The following ANO4 variants were observed in gnomAD, a reference collection of about 807,000 sequenced individuals.
ANO4 encodes anoctamin-4.
Under a neutral mutation model 141.9 loss-of-function variants are expected in ANO4, and 69 were observed. The ratio of observed to expected loss-of-function variants is 0.49; its 90% confidence interval spans 0.40 to 0.59. The LOEUF (loss-of-function observed/expected upper bound fraction) is 0.59. Among genes scored for constraint, ANO4 ranks in the 20% least tolerant of loss-of-function variants. ANO4 has a pLI of 0.00. For synonymous variants in ANO4, 350 were observed against 394.3 expected (o/e 0.89, Z 1.33); for missense variants, 894 against 1,162.2 (o/e 0.77, Z 3.36).
At chr12:101,035,252 T>A (rs905702271) in intron 9 of ANO4, among the ~76,000 whole-genome samples, 6 of 152,168 alleles carry the variant, frequency 3.9e-5, no homozygotes, top group Non-Finnish European at 7.3e-5. Flanking sequence ...CATGAATGAA[T>A]CTCAAATTAT....
chr12:100,960,909 A>G (rs1313902175), intron 5 of ANO4, among the ~76,000 whole-genome samples: 1 of 152,220 alleles, frequency 6.6e-6, no homozygotes, highest in Non-Finnish European at 1.5e-5. Context: ...GATGGTCTGT[A>G]AGAAGTGAAG....
intron 2 of ANO4, among the ~76,000 whole-genome samples, chr12:100,904,292 TAATA>T (rs939291067): frequency 1.1e-4 from 16 of 152,284 alleles, no homozygotes; most frequent in African/African-American, 3.1e-4. Flanking sequence ...CTGCAAGAGA[TAATA>T]AATAAATATA....
In ANO4 at chr12:100,757,074, C is replaced by T. The variant is rs555658245; in HGVS notation, c.358+16969C>T. ...GGAAAATGTGGAACTGTTAGTCTGA[C>T]GGTTTTTAAAATCTGTCCCTTCTGC... On this transcript the variant is annotated intron_variant, in intron 3 of 29. Coordinates refer to the ANO4 transcript ENST00000644049. Among the ~76,000 whole-genome samples the T allele has an allele frequency of 9.9e-5, 15 of 152,152 alleles. 1 individual carries two copies. The highest frequency in any genetic ancestry group is 3.4e-3 in the Middle Eastern group (1 of 294).
At chr12:101,102,388 G>A (rs374558514) in intron 22 of ANO4, among the ~76,000 whole-genome samples, 17 of 152,228 alleles carry the variant, frequency 1.1e-4, no homozygotes, top group African/African-American at 2.4e-4. Context: ...TAAAACTTGC[G>A]TTCGTATTTT....
intron 1 of ANO4, among the ~76,000 whole-genome samples, chr12:100,896,063 A>G (rs1160460807): frequency 6.6e-6 from 1 of 152,112 alleles, no homozygotes; most frequent in African/African-American, 2.4e-5. Context: ...CCAAGGATGG[A>G]CAGGATGGAG....
At chr12:100,906,151 C>T (rs888298910) in intron 2 of ANO4, among the ~76,000 whole-genome samples, 2 of 152,034 alleles carry the variant, frequency 1.3e-5, no homozygotes, top group Non-Finnish European at 2.9e-5. Context: ...TAAAGACATA[C>T]AGTTGGTGGT....
chr12:100,784,643 C>G (rs1307559821), intron 3 of ANO4, among the ~76,000 whole-genome samples: 1 of 152,104 alleles, frequency 6.6e-6, no homozygotes, highest in Non-Finnish European at 1.5e-5. Context: ...GACAGAAATA[C>G]AAAATAAATC....
chr12:101,104,130 T>A (rs2050316271), intron 22 of ANO4, among the ~76,000 whole-genome samples: 1 of 151,982 alleles, frequency 6.6e-6, no homozygotes, highest in Non-Finnish European at 1.5e-5. Flanking sequence ...CTCCCTTTTT[T>A]AAAACAGTAC....
intron 1 of ANO4, among the ~76,000 whole-genome samples, chr12:100,798,132 T>TA (rs1209899425): frequency 2.6e-5 from 4 of 152,246 alleles, no homozygotes; most frequent in Admixed American, 2.0e-4. Context: ...GTTTACTGTC[T>TA]AAAAGGTCTT....
At chr12:100,851,089 T>C (rs1057064031) in intron 1 of ANO4, among the ~76,000 whole-genome samples, 1 of 152,262 alleles carries the variant, frequency 6.6e-6, no homozygotes, top group Non-Finnish European at 1.5e-5. Context: ...CAAGTGGAAA[T>C]ACCAGATCAA....
chr12:100,775,180 G>C (rs1442509316), intron 3 of ANO4, among the ~76,000 whole-genome samples: 1 of 152,166 alleles, frequency 6.6e-6, no homozygotes, highest in Admixed American at 6.5e-5. Context: ...GGGGCTGTCC[G>C]AGTGAAAAAC....
intron 7 of ANO4, among the ~76,000 whole-genome samples, chr12:100,975,951 A>C (rs1420502209): frequency 1.4e-5 from 2 of 146,272 alleles, no homozygotes; most frequent in Admixed American, 6.8e-5. Context: ...AAAAGAAAAA[A>C]AAAACCCACC....
At chr12:100,782,252 T>A (rs894160611) in intron 3 of ANO4, among the ~76,000 whole-genome samples, 1 of 152,186 alleles carries the variant, frequency 6.6e-6, no homozygotes, top group African/African-American at 2.4e-5. Flanking sequence ...TTCTCCCTCT[T>A]ACAATCATCT....
intron 10 of ANO4, 101 bp downstream of exon 10, chr12:101,037,251 A>G (rs2047236486): frequency 7.8e-7 from 1 of 1,275,820 alleles, no homozygotes; most frequent in Non-Finnish European, 1.1e-6. Flanking sequence ...ATTTGCTCAG[A>G]ATGAATTTAA....
chr12:100,783,370 A>G lies in ANO4; in HGVS notation c.358+43265A>G, dbSNP rs192147208. ...GTTTCCATCCTTCTTTTTCATTCCT[A>G]CCATAACTATTTCATTCAATCCAAG... is the stretch of plus-strand genomic sequence containing the variant. On this transcript the variant is annotated intron_variant, in intron 3 of 29. Transcript: ENST00000644049. 4.0e-3 allele frequency among the ~76,000 whole-genome samples: 602 copies of G among 152,126 alleles called. 3 individuals are homozygous for G. Among genetic ancestry groups the G allele is most frequent in the African/African-American group, 0.014 (578 of 41,478 alleles).
At chr12:100,791,490 C>T (rs1296691506), upstream of ANO4, among the ~76,000 whole-genome samples, 1 of 152,194 alleles carries the variant, frequency 6.6e-6, no homozygotes. Context: ...AAATCATTTT[C>T]TCTTTAATTT....
intron 1 of ANO4, among the ~76,000 whole-genome samples, chr12:100,810,054 G>A (rs57692551): frequency 0.084 from 12,753 of 152,148 alleles, 690 homozygotes; most frequent in South Asian, 0.2. Flanking sequence ...ATTCAAATGG[G>A]AAGAGCCTGA....
intron 8 of ANO4, among the ~76,000 whole-genome samples, chr12:101,003,219 C>T (rs1442015352): frequency 6.6e-6 from 1 of 152,248 alleles, no homozygotes; most frequent in Non-Finnish European, 1.5e-5. Flanking sequence ...TTATAGCTCA[C>T]ATAACATGTT....
rs2042377041 is a variant in ANO4 at position 100,938,460 on chromosome 12, G to C, written c.161-855G>C. Among the ~76,000 whole-genome samples, 4 of 152,232 alleles carry C rather than the reference G, an allele frequency of 2.6e-5. No homozygotes were observed. The South Asian group carries it at 6.2e-4, about 24-fold the overall frequency. On this transcript the variant is annotated intron_variant, in intron 3 of 27. Transcript: ENST00000392977. Reference sequence around the variant, plus strand: ...AATCCCTCATGAATTATTTTGTGCAGTGGCTTCTGACAGGTTATAAACCCT... The same window carrying C: ...AATCCCTCATGAATTATTTTGTGCACTGGCTTCTGACAGGTTATAAACCCT...
Sources: gnomAD v4.1 joint callset for allele counts (sites outside exome capture counted in the v4.1 genomes callset) on GRCh38, gnomAD v4.1.1 for gene constraint, MANE v1.5 for transcripts, NCBI Gene and HGNC (gene_info 2026-07-23, HGNC 2026-07-21) for gene names.